Variants in KCNK2 observed in about 807,000 individuals in gnomAD.
KCNK2 encodes potassium two pore domain channel subfamily K member 2, also known as potassium channel subfamily K member 2.
A neutral mutation model predicts 40.5 loss-of-function variants in KCNK2; 21 were observed. The observed-to-expected ratio is 0.52, with a 90% CI of 0.37 to 0.75. The LOEUF is 0.75. KCNK2 is among the 30% of genes least tolerant of loss of function. The pLI is 0.00. For missense variants in KCNK2, 399 were observed against 531.6 expected (o/e 0.75, Z 2.45); for synonymous variants, 191 against 202.2 (o/e 0.94, Z 0.47).
chr1:215,106,206 A>G (rs1660433703), intron 2 of KCNK2, among the ~76,000 whole-genome samples: 1 of 152,142 alleles, frequency 6.6e-6, no homozygotes, highest in South Asian at 2.1e-4. Flanking sequence ...ATTTCCACCA[A>G]CAATGTACTG....
chr1:215,209,402 A>AAT (rs1665488457), intron 6 of KCNK2, among the ~76,000 whole-genome samples: 3 of 63,824 alleles, frequency 4.7e-5, no homozygotes, highest in African/African-American at 2.1e-4. Flanking sequence ...TTATATATAA[A>AAT]ATATGCATAT....
chr1:215,142,930 C>G (rs1048706861), intron 3 of KCNK2, among the ~76,000 whole-genome samples: 1 of 151,962 alleles, frequency 6.6e-6, no homozygotes, highest in South Asian at 2.1e-4. Flanking sequence ...AGGTAGTCAT[C>G]ATAGCTGTGA....
chr1:215,028,255 C>T (rs1235741343), intron 1 of KCNK2, among the ~76,000 whole-genome samples: 3 of 151,916 alleles, frequency 2.0e-5, no homozygotes, highest in South Asian at 2.1e-4. Context: ...AGCGTGGTGG[C>T]GGGTCTGTAA....
At chr1:215,192,335 T>A (rs1250100826) in intron 5 of KCNK2, among the ~76,000 whole-genome samples, 2 of 152,104 alleles carry the variant, frequency 1.3e-5, no homozygotes, top group African/African-American at 4.8e-5. Flanking sequence ...AGGAAAAGCA[T>A]TTTTTTCCCC....
chr1:215,065,909 T>C (rs1324781892), intron 1 of KCNK2, among the ~76,000 whole-genome samples: 1 of 152,162 alleles, frequency 6.6e-6, no homozygotes, highest in Non-Finnish European at 1.5e-5. Flanking sequence ...ACTGGGAGGA[T>C]TGCTTGAGCC....
At chr1:215,192,750 A>G (rs1664718424) in intron 5 of KCNK2, among the ~76,000 whole-genome samples, 1 of 152,190 alleles carries the variant, frequency 6.6e-6, no homozygotes, top group Admixed American at 6.6e-5. Flanking sequence ...CCATCACGAG[A>G]TGCATTTATA....
chr1:215,211,260 TC>T (rs909011688), intron 6 of KCNK2, among the ~76,000 whole-genome samples: 2 of 151,992 alleles, frequency 1.3e-5, no homozygotes, highest in Non-Finnish European at 2.9e-5. Flanking sequence ...CCCTTGTGAT[TC>T]CCCCAGCACA....
intron 1 of KCNK2, among the ~76,000 whole-genome samples, chr1:215,075,658 T>C (rs1412854623): frequency 6.6e-6 from 1 of 152,192 alleles, no homozygotes; most frequent in Non-Finnish European, 1.5e-5. Context: ...CAAAAGAACT[T>C]TTGAACTTCA....
At chr1:215,179,254 T>C (rs1198047220) in intron 5 of KCNK2, among the ~76,000 whole-genome samples, 2 of 152,086 alleles carry the variant, frequency 1.3e-5, no homozygotes, top group Admixed American at 6.6e-5. Flanking sequence ...TTTTTTTCTT[T>C]GTTAATCTAG....
At chr1:215,068,643 G>C (rs534269913) in intron 1 of KCNK2, among the ~76,000 whole-genome samples, 1 of 152,310 alleles carries the variant, frequency 6.6e-6, no homozygotes, top group South Asian at 2.1e-4. Context: ...ATTGGCAATT[G>C]TTAAAAATAG....
chr1:215,228,445 T>C (rs947680916), intron 6 of KCNK2, among the ~76,000 whole-genome samples: 1 of 152,120 alleles, frequency 6.6e-6, no homozygotes, highest in Non-Finnish European at 1.5e-5. Flanking sequence ...TAGCACTCCA[T>C]TTCCTTCTTT....
chr1:215,063,237 CT>C (rs1658421200), intron 1 of KCNK2, among the ~76,000 whole-genome samples: 1 of 152,176 alleles, frequency 6.6e-6, no homozygotes, highest in Non-Finnish European at 1.5e-5. Flanking sequence ...GAAGAACATT[CT>C]ATTTCTTGCC....
chr1:215,227,171 T>C (rs1666416206), intron 6 of KCNK2, among the ~76,000 whole-genome samples: 1 of 152,222 alleles, frequency 6.6e-6, no homozygotes, highest in South Asian at 2.1e-4. Context: ...GGTGGACATA[T>C]CCTCTCTAGT....
At chr1:215,131,703 T>C (rs933046629) in intron 3 of KCNK2, among the ~76,000 whole-genome samples, 2 of 152,036 alleles carry the variant, frequency 1.3e-5, no homozygotes, top group Admixed American at 1.3e-4. Flanking sequence ...TGGTCTACAG[T>C]GACTTTAAGA....
intron 3 of KCNK2, among the ~76,000 whole-genome samples, chr1:215,125,770 ATATATAT>A (rs1661400945): frequency 5.2e-5 from 2 of 38,796 alleles, no homozygotes; most frequent in Admixed American, 4.8e-4. Flanking sequence ...ATATATATAT[ATATATAT>A]AAAATAAAAT....
chr1:215,024,206 T>C (rs1352540919), intron 1 of KCNK2, among the ~76,000 whole-genome samples: 1 of 152,174 alleles, frequency 6.6e-6, no homozygotes, highest in African/African-American at 2.4e-5. Flanking sequence ...AGATGTTCCA[T>C]AGGCATCTGT....
upstream of KCNK2, among the ~76,000 whole-genome samples, chr1:215,079,094 G>C (rs2102521165): frequency 6.6e-6 from 1 of 152,280 alleles, no homozygotes; most frequent in East Asian, 1.9e-4. Flanking sequence ...GGAATTTTTG[G>C]AGAACTAAAT....
chr1:215,140,069 G>T (rs1014138795), intron 3 of KCNK2, among the ~76,000 whole-genome samples: 3 of 152,038 alleles, frequency 2.0e-5, no homozygotes, highest in African/African-American at 7.2e-5. Context: ...ATTTGAGTTT[G>T]CTGGCATAAG....
chr1:215,014,186 C>A (rs950393941), intron 1 of KCNK2, among the ~76,000 whole-genome samples: 1 of 151,972 alleles, frequency 6.6e-6, no homozygotes, highest in Admixed American at 6.6e-5. Context: ...TTTCTCCTAT[C>A]GTTTGTTAGC....
Sources: gnomAD v4.1 joint callset for allele counts (sites outside exome capture counted in the v4.1 genomes callset) on GRCh38, gnomAD v4.1.1 for gene constraint, MANE v1.5 for transcripts, NCBI Gene and HGNC (gene_info 2026-07-23, HGNC 2026-07-21) for gene names.